The following ZNF487 variants were observed in gnomAD, a reference collection of about 807,000 sequenced individuals.
The protein encoded by ZNF487 is KRAB domain only 1.
In ZNF487, 4 loss-of-function variants were observed where a neutral mutation model predicts 3.0. The observed-to-expected ratio is 1.35, with a 90% CI of 0.66 to 3.08. The LOEUF is 3.08. Ranked by LOEUF, ZNF487 falls within the 30% of genes most tolerant of loss-of-function variation. The pLI is 0.01. For synonymous variants in ZNF487, 55 were observed against 34.6 expected (o/e 1.59, Z -2.06); for missense variants, 146 against 98.7 (o/e 1.48, Z -2.03).
At chr10:43,474,819 G>A (rs1227147973) in intron 1 of ZNF487, among the ~76,000 whole-genome samples, 1 of 152,018 alleles carries the variant, frequency 6.6e-6, no homozygotes, top group Non-Finnish European at 1.5e-5. Context: ...CTGACCTCAA[G>A]TGATCTGCCT....
downstream of ZNF487, among the ~76,000 whole-genome samples, chr10:43,488,050 C>G (rs1841485357): frequency 6.6e-6 from 1 of 150,426 alleles, no homozygotes; most frequent in Non-Finnish European, 1.5e-5. Flanking sequence ...TGGAGTGAGC[C>G]AAGATGGCTC....
the ZNF487 span, among the ~76,000 whole-genome samples, chr10:43,518,437 G>T: frequency 6.6e-6 from 1 of 152,084 alleles, no homozygotes; most frequent in South Asian, 2.1e-4. Flanking sequence ...TGCCACACAG[G>T]TTCCCAGACT....
chr10:43,461,188 G>A (rs1840419156), intron 1 of ZNF487, among the ~76,000 whole-genome samples: 1 of 151,968 alleles, frequency 6.6e-6, no homozygotes, highest in African/African-American at 2.4e-5. Flanking sequence ...TGTATTTATA[G>A]TAGAGATGGG....
At chr10:43,521,864 C>T in the ZNF487 span, among the ~76,000 whole-genome samples, 2 of 150,558 alleles carry the variant, frequency 1.3e-5, no homozygotes, top group Non-Finnish European at 3.0e-5. Context: ...TATATACACA[C>T]GTATATATTA....
intron 1 of ZNF487, among the ~76,000 whole-genome samples, chr10:43,441,836 G>T (rs538659581): frequency 2.6e-5 from 4 of 151,550 alleles, no homozygotes; most frequent in African/African-American, 9.7e-5. Context: ...ATCCACCCGC[G>T]TTGGCCTCCC....
chr10:43,444,145 G>A (rs1035726270), intron 1 of ZNF487, among the ~76,000 whole-genome samples: 2 of 152,098 alleles, frequency 1.3e-5, no homozygotes, highest in African/African-American at 2.4e-5. Context: ...GAGCCACCGC[G>A]CCCGGCTCCT....
chr10:43,493,422 T>C, the ZNF487 span, among the ~76,000 whole-genome samples: 1 of 151,986 alleles, frequency 6.6e-6, no homozygotes, highest in East Asian at 1.9e-4. Context: ...CAACCTGGCG[T>C]GATGGCTCAC....
intron 1 of ZNF487, among the ~76,000 whole-genome samples, chr10:43,448,113 C>T (rs908935930): frequency 5.9e-5 from 9 of 151,520 alleles, no homozygotes; most frequent in Admixed American, 4.0e-4. Context: ...CCTCAGCCTC[C>T]GGAGTAGCTG....
At chr10:43,467,049 T>G (rs1012578741) in intron 1 of ZNF487, among the ~76,000 whole-genome samples, 3 of 151,840 alleles carry the variant, frequency 2.0e-5, no homozygotes, top group Admixed American at 6.6e-5. Context: ...TTTGTATTTT[T>G]TTTTTAGTAG....
the ZNF487 span, among the ~76,000 whole-genome samples, chr10:43,522,215 T>A: frequency 6.6e-6 from 1 of 152,154 alleles, no homozygotes; most frequent in African/African-American, 2.4e-5. Flanking sequence ...TTGGTGTTGA[T>A]GAGTGGAAGA....
intron 1 of ZNF487, among the ~76,000 whole-genome samples, chr10:43,464,766 C>G (rs1354909361): frequency 2.0e-5 from 3 of 152,254 alleles, no homozygotes; most frequent in Non-Finnish European, 2.9e-5. Flanking sequence ...GCCATGTCTA[C>G]TTCTTTCTAC....
intron 1 of ZNF487, among the ~76,000 whole-genome samples, chr10:43,444,728 G>T (rs1484931194): frequency 1.3e-5 from 2 of 151,982 alleles, no homozygotes; most frequent in Non-Finnish European, 2.9e-5. Context: ...ACCACTCCAG[G>T]CTAATTTTTT....
chr10:43,441,304 C>T (rs879742706), intron 1 of ZNF487, among the ~76,000 whole-genome samples: 3 of 151,010 alleles, frequency 2.0e-5, no homozygotes, highest in Non-Finnish European at 4.4e-5. Context: ...CTCACTCCTT[C>T]GCCCAGGCTG....
intron 1 of ZNF487, among the ~76,000 whole-genome samples, chr10:43,445,637 C>CT (rs372625933): frequency 0.11 from 14,691 of 134,964 alleles, 1,518 homozygotes; most frequent in African/African-American, 0.28. Flanking sequence ...ATGACATTTT[C>CT]TTTTTTTTTT....
the ZNF487 span, among the ~76,000 whole-genome samples, chr10:43,498,354 C>T: frequency 6.8e-6 from 1 of 148,058 alleles, no homozygotes; most frequent in Non-Finnish European, 1.5e-5. Context: ...TCTCGGCTCA[C>T]TGCAACTTCC....
At chr10:43,517,407 A>C in the ZNF487 span, among the ~76,000 whole-genome samples, 186 of 152,336 alleles carry the variant, frequency 1.2e-3, 6 homozygotes, top group South Asian at 0.036. Context: ...GATTCCCTTC[A>C]ACAAAAGGCT....
chr10:43,465,373 G>A (rs1224498179), intron 1 of ZNF487, among the ~76,000 whole-genome samples: 2 of 138,426 alleles, frequency 1.4e-5, no homozygotes, highest in African/African-American at 5.4e-5. Flanking sequence ...CGGGCGGAGG[G>A]GCTCCTCACT....
rs1799879866 is a variant in ZNF487 at position 43,437,155 on chromosome 10, T to G, written c.-201T>G. 8 of 281,464 alleles carry G rather than the reference T, an allele frequency of 2.8e-5. No individual in the cohort carries two copies. Among genetic ancestry groups the G allele is most frequent in the South Asian group, 2.1e-4 (8 of 38,546 alleles). The allele number at this position is 281,464 out of a possible 1,614,324, so 17.4% of individuals were successfully genotyped here. On this transcript the variant is annotated 5_prime_UTR_variant, in exon 1 of 4. Coordinates refer to ENST00000437590, the MANE Select transcript of ZNF487 (RefSeq NM_001355444.3). Reference sequence around the variant, plus strand: ...TCCATGGTGAGATGGTCAACAAGCCTGTAAGTTCCTCAGCTACGACTACCA... The same window carrying G: ...TCCATGGTGAGATGGTCAACAAGCCGGTAAGTTCCTCAGCTACGACTACCA...
the ZNF487 span, among the ~76,000 whole-genome samples, chr10:43,495,777 C>A: frequency 6.6e-6 from 1 of 152,122 alleles, no homozygotes; most frequent in Non-Finnish European, 1.5e-5. Flanking sequence ...TAAGACAGTT[C>A]CAGCACATTG....
Sources: gnomAD v4.1 joint callset for allele counts (sites outside exome capture counted in the v4.1 genomes callset) on GRCh38, gnomAD v4.1.1 for gene constraint, MANE v1.5 for transcripts, NCBI Gene and HGNC (gene_info 2026-07-23, HGNC 2026-07-21) for gene names.